Variants in FHIT observed in about 807,000 individuals in gnomAD.
FHIT encodes the protein fragile histidine triad diadenosine triphosphatase.
A neutral mutation model predicts 17.9 loss-of-function variants in FHIT; 19 were observed. The ratio of observed to expected loss-of-function variants is 1.06; its 90% confidence interval spans 0.74 to 1.56. The LOEUF is 1.56. FHIT is among the 40% of genes most tolerant of loss of function. The pLI, the probability that FHIT is intolerant of heterozygous loss-of-function variation, is 0.00. For synonymous variants in FHIT, 81 were observed against 69.7 expected, an observed-to-expected ratio of 1.16 and a Z score of -0.81; for missense variants, 248 against 189.2, an observed-to-expected ratio of 1.31 and a Z score of -1.82.
chr3:60,926,440 C>T (rs1356726384), intron 3 of FHIT, among the ~76,000 whole-genome samples: 44 of 152,228 alleles, frequency 2.9e-4, no homozygotes, highest in Non-Finnish European at 5.0e-4. Context: ...ACTGAACAAC[C>T]TGCTCCTGAA....
intron 4 of FHIT, among the ~76,000 whole-genome samples, chr3:60,705,679 G>C (rs995964993): frequency 1.1e-4 from 17 of 152,170 alleles, no homozygotes; most frequent in Non-Finnish European, 1.6e-4. Context: ...ACATACTCCT[G>C]TAGGTGTAAA....
intron 4 of FHIT, among the ~76,000 whole-genome samples, chr3:60,658,732 G>A (rs2040172665): frequency 1.3e-5 from 2 of 151,886 alleles, no homozygotes; most frequent in East Asian, 3.9e-4. Context: ...CTAGCTTTTA[G>A]ACTAATAATT....
intron 5 of FHIT, among the ~76,000 whole-genome samples, chr3:60,474,561 CA>C (rs2033250086): frequency 6.6e-6 from 1 of 151,854 alleles, no homozygotes; most frequent in Non-Finnish European, 1.5e-5. Flanking sequence ...ACTACATTTT[CA>C]AAACAGTAGA....
intron 5 of FHIT, among the ~76,000 whole-genome samples, chr3:60,415,604 A>G (rs1702217323): frequency 6.6e-6 from 1 of 152,132 alleles, no homozygotes; most frequent in Admixed American, 6.6e-5. Context: ...AAGTATATGA[A>G]TCAATAAGAG....
At chr3:60,355,049 T>A (rs1699587563) in intron 5 of FHIT, among the ~76,000 whole-genome samples, 1 of 152,172 alleles carries the variant, frequency 6.6e-6, no homozygotes. Flanking sequence ...TGATTTAGAC[T>A]CTCTACATTT....
intron 3 of FHIT, among the ~76,000 whole-genome samples, chr3:61,006,606 CT>C (rs59158084): frequency 0.76 from 110,617 of 145,982 alleles, 41,952 homozygotes; most frequent in East Asian, 0.81. Context: ...AAAACATATT[CT>C]TTTTTTTTTT....
chr3:59,747,319 A>T lies in FHIT; in HGVS notation c.*2266T>A, dbSNP rs1242365913. On this transcript the variant is annotated 3_prime_UTR_variant, in exon 10 of 10. Coordinates refer to ENST00000492590, the MANE Select transcript of FHIT (RefSeq NM_002012.4). ...AGGTTTAATGGACTCGCAATCATGG[A>T]GGAAGGCAAAAGAGGAGCAAAGCCA... Among the ~76,000 whole-genome samples, 1 of 152,148 alleles carries T rather than the reference A, an allele frequency of 6.6e-6. No individual in the cohort carries two copies. The highest frequency in any genetic ancestry group is 1.5e-5 in the Non-Finnish European group (1 of 68,020).
chr3:60,998,236 A>G lies in FHIT; in HGVS notation c.-111+43811T>C, dbSNP rs530410127. On this transcript the variant is annotated intron_variant, in intron 3 of 9. Coordinates refer to ENST00000492590, the MANE Select transcript of FHIT (RefSeq NM_002012.4). ...ATCACTTTCCAAGGATATACTCTGG[A>G]TAGAGAGTAGCAGCTTCTTTGAGCT... 6.6e-5 allele frequency among the ~76,000 whole-genome samples: 10 copies of G among 152,314 alleles called. No homozygotes were observed. The South Asian group carries it at 1.9e-3, about 28-fold the overall frequency.
intron 8 of FHIT, among the ~76,000 whole-genome samples, chr3:59,859,898 G>C (rs543971490): frequency 5.3e-5 from 8 of 152,338 alleles, no homozygotes; most frequent in African/African-American, 1.9e-4. Flanking sequence ...TGCTGTATCA[G>C]TGTTGATTCC....
intron 2 of FHIT, among the ~76,000 whole-genome samples, chr3:61,051,745 C>T (rs1021614231): frequency 4.6e-5 from 7 of 152,156 alleles, no homozygotes; most frequent in Admixed American, 3.3e-4. Context: ...TGGGGAGTCT[C>T]GTGCCCTTCT....
At chr3:59,764,682 T>C (rs568266617) in intron 8 of FHIT, among the ~76,000 whole-genome samples, 1 of 152,296 alleles carries the variant, frequency 6.6e-6, no homozygotes, top group Admixed American at 6.5e-5. Flanking sequence ...TGAAACGCTA[T>C]GCTTACCATG....
intron 4 of FHIT, among the ~76,000 whole-genome samples, chr3:60,675,694 C>T (rs2040607992): frequency 6.6e-6 from 1 of 152,174 alleles, no homozygotes; most frequent in African/African-American, 2.4e-5. Flanking sequence ...TAGACTCTGA[C>T]CTCAGCCTAC....
chr3:60,688,864 T>A (rs758503869), intron 4 of FHIT, among the ~76,000 whole-genome samples: 2 of 152,324 alleles, frequency 1.3e-5, no homozygotes, highest in African/African-American at 2.4e-5. Context: ...TCTTTTTTCT[T>A]TGTTTTATAT....
chr3:61,115,767 G>A (rs1209014175), intron 2 of FHIT, among the ~76,000 whole-genome samples: 1 of 152,116 alleles, frequency 6.6e-6, no homozygotes, highest in African/African-American at 2.4e-5. Context: ...AAACACTCCG[G>A]CTGGCCATTG....
At chr3:60,802,558 C>T (rs1248210693) in intron 4 of FHIT, among the ~76,000 whole-genome samples, 1 of 152,150 alleles carries the variant, frequency 6.6e-6, no homozygotes, top group South Asian at 2.1e-4. Context: ...TTACAGTACT[C>T]AAGTTTTCAA....
intron 4 of FHIT, among the ~76,000 whole-genome samples, chr3:60,799,991 T>C (rs1480272691): frequency 1.3e-5 from 2 of 152,226 alleles, no homozygotes; most frequent in Non-Finnish European, 1.5e-5. Context: ...TATCAATTCA[T>C]TTGTTGAACA....
intron 1 of FHIT, among the ~76,000 whole-genome samples, chr3:61,234,218 G>A (rs978367462): frequency 5.3e-5 from 8 of 152,112 alleles, no homozygotes; most frequent in African/African-American, 1.9e-4. Flanking sequence ...ACTGCTTGCT[G>A]CAAAGAAAAA....
intron 5 of FHIT, among the ~76,000 whole-genome samples, chr3:60,415,242 A>G (rs1476544952): frequency 6.6e-6 from 1 of 152,122 alleles, no homozygotes; most frequent in Admixed American, 6.5e-5. Context: ...TCTTAAAAGT[A>G]CTCCCTTTAG....
Position 60,628,438 on chromosome 3 carries a change from T to C in FHIT, c.-17-91459A>G, listed in dbSNP as rs1356153070. ...GTTTTATCTCTTTCTCTGATATTTC[T>C]GTTGTCTGCCTCAATTGGCCTCACA... On this transcript the variant is annotated intron_variant, in intron 4 of 9. Transcript: ENST00000492590. Among the ~76,000 whole-genome samples, 3 of 152,248 alleles carry C rather than the reference T, an allele frequency of 2.0e-5. No individual in the cohort carries two copies. In the South Asian group the frequency reaches 6.2e-4, roughly 32 times the overall value.
Sources: gnomAD v4.1 joint callset for allele counts (sites outside exome capture counted in the v4.1 genomes callset) on GRCh38, gnomAD v4.1.1 for gene constraint, MANE v1.5 for transcripts, NCBI Gene and HGNC (gene_info 2026-07-23, HGNC 2026-07-21) for gene names.